ACOT11: variants seen among roughly 807,000 people sequenced by gnomAD.
ACOT11 encodes acyl-coenzyme A thioesterase 11.
Under a neutral mutation model 77.5 loss-of-function variants are expected in ACOT11, and 69 were observed. That is an observed-to-expected ratio of 0.89 (90% CI 0.73 to 1.09). The LOEUF (loss-of-function observed/expected upper bound fraction) is 1.09, where lower values mean the gene tolerates loss of function less well. ACOT11 is among the 50% of genes least tolerant of loss of function. The probability of loss-of-function intolerance (pLI) is 0.00; values close to 1 mark genes in which losing one functional copy is unlikely to be tolerated. For synonymous variants in ACOT11, 279 were observed against 313.0 expected (o/e 0.89, Z 1.15); for missense variants, 766 against 813.7 (o/e 0.94, Z 0.71).
At chr1:54,555,753 A>AT (rs909421627) in intron 1 of ACOT11, among the ~76,000 whole-genome samples, 45 of 130,306 alleles carry the variant, frequency 3.5e-4, no homozygotes, top group African/African-American at 1.1e-3. Flanking sequence ...TTTATTTTTT[A>AT]TTTTTTTTTG....
chr1:54,634,827 C>T (rs1031992637), exon 17 of ACOT11: 4 of 648,272 alleles, frequency 6.2e-6, no homozygotes, highest in African/African-American at 1.8e-5. Flanking sequence ...AGGAGGACTC[C>T]AACTATCATG....
At position 54,584,704 on chromosome 1, in the gene ACOT11, G is replaced by A. The variant is rs1328162363; in HGVS notation, c.83G>A (p.Arg28His). Reference sequence around the variant, plus strand: ...CGCACATCCCGGAAGTCAGCCTTACGTGCGGGGAACGACAGTGCCATGGCA... The same window carrying A: ...CGCACATCCCGGAAGTCAGCCTTACATGCGGGGAACGACAGTGCCATGGCA... ...SNRTSRKSAL[R>H]AGNDSAMADG... The change falls in exon 2 of 16, where the codon CGT (arginine) becomes CAT (histidine). Residue 28 changes from arginine to histidine, a missense_variant. Physicochemically the swap from Arg to His is conservative, Grantham distance 29. Coordinates refer to ENST00000343744, the MANE Select transcript of ACOT11 (RefSeq NM_147161.4). This position sits in a 1 kb window ranked among gnomAD's most constrained non-coding sequence, Gnocchi z 6.3. The A allele has an allele frequency of 1.1e-5, 17 of 1,614,042 alleles. No individual in the cohort carries two copies. Among genetic ancestry groups the A allele is most frequent in the Middle Eastern group, 1.6e-4 (1 of 6,084 alleles).
Position 54,603,744 on chromosome 1 carries a change from C to T in ACOT11, c.1086-127C>T. ...CCTGTGTGACCATCCAGCCTCCCTA[C>T]CCAGACAGGAGTCTCCCATTCTGCC... is the stretch of plus-strand genomic sequence containing the variant. On this transcript the variant is annotated intron_variant, in intron 10 of 15. Coordinates refer to ENST00000343744, the MANE Select transcript of ACOT11 (RefSeq NM_147161.4). The T allele has an allele frequency of 7.0e-6, 6 of 862,542 alleles. No homozygotes were observed. The South Asian group carries it at 8.8e-5, about 13-fold the overall frequency. The allele number at this position is 862,542 out of a possible 1,614,324, so 53.4% of individuals were successfully genotyped here. A position where few individuals can be genotyped will look rare whatever the true frequency, so the allele number is the denominator to read the frequency against.
intron 1 of ACOT11, among the ~76,000 whole-genome samples, chr1:54,569,161 T>C (rs1653848118): frequency 6.7e-6 from 1 of 149,790 alleles, no homozygotes; most frequent in African/African-American, 2.5e-5. Flanking sequence ...GGGATCTTGC[T>C]CTCTTGCCCA....
At chr1:54,606,947 C>T (rs1158743060) in intron 13 of ACOT11, among the ~76,000 whole-genome samples, 187 bp from the exon 14 acceptor site, 4 of 152,264 alleles carry the variant, frequency 2.6e-5, no homozygotes, top group Non-Finnish European at 4.4e-5. Context: ...TGTGTGCACA[C>T]GCACATGTGT....
chr1:54,610,900 G>A, downstream of ACOT11: 1 of 985,398 alleles, frequency 1.0e-6, no homozygotes, highest in Non-Finnish European at 1.2e-6. Flanking sequence ...TGGGTTCGGG[G>A]TCAAGGGAAT....
downstream of ACOT11, chr1:54,610,409 T>C (rs1644104379): frequency 1.2e-6 from 2 of 1,612,886 alleles, no homozygotes; most frequent in South Asian, 2.2e-5. Flanking sequence ...GGGTAGACCT[T>C]ACCTGGGAGG....
intron 8 of ACOT11, 92 bp from the exon 9 acceptor site, chr1:54,601,155 ATGCATGTGTGTGGGCGCATGTG>A (rs1333093363): frequency 4.8e-6 from 6 of 1,250,874 alleles, no homozygotes; most frequent in Admixed American, 4.0e-5. Context: ...GTGTGTGTGC[ATGCATGTGTGTGGGCGCATGTG>A]TGCATGTGTG....
chr1:54,555,222 G>A (rs1467264174), intron 1 of ACOT11, among the ~76,000 whole-genome samples: 2 of 152,146 alleles, frequency 1.3e-5, no homozygotes, highest in South Asian at 2.1e-4. Context: ...GCCTCCCAAA[G>A]TGCTGGGATT....
At chr1:54,631,945 C>T (rs1158737611) in intron 16 of ACOT11, among the ~76,000 whole-genome samples, 2 of 152,050 alleles carry the variant, frequency 1.3e-5, no homozygotes, top group African/African-American at 2.4e-5. Context: ...AGGTAATCTG[C>T]GTAAAGCTAC....
chr1:54,550,059 G>A (rs550696253), intron 1 of ACOT11, among the ~76,000 whole-genome samples: 9 of 152,242 alleles, frequency 5.9e-5, no homozygotes, highest in East Asian at 1.9e-4. Context: ...TATCATCCCC[G>A]TATCCCAGAT....
intron 3 of ACOT11, among the ~76,000 whole-genome samples, chr1:54,587,736 A>AT (rs1272877650): frequency 6.7e-6 from 1 of 149,976 alleles, no homozygotes; most frequent in African/African-American, 2.4e-5. Context: ...TAATTTTTGT[A>AT]TTTTTAGTAG....
chr1:54,579,489 G>T (rs1323267745), intron 1 of ACOT11, among the ~76,000 whole-genome samples: 1 of 152,220 alleles, frequency 6.6e-6, no homozygotes, highest in Non-Finnish European at 1.5e-5. Flanking sequence ...CTCCTGCCTT[G>T]TTGGTGGGGA....
In ACOT11 at chr1:54,557,391, CAA is replaced by C. The variant is rs71045195; in HGVS notation, c.33+9066_33+9067del. On this transcript the variant is annotated intron_variant, in intron 1 of 15. Transcript: ENST00000343744. ...TGAGTGACAGAGAAAGATTCCATCT[CAA>C]AAAAAAAAAAAAAAAAGAAAAAAAT... Among the ~76,000 whole-genome samples the C allele has an allele frequency of 1.5e-3, 144 of 98,254 alleles. 1 individual carries two copies. The highest frequency in any genetic ancestry group is 0.013 in the South Asian group (38 of 2,966). 64.5% of individuals were successfully genotyped at this position (98,254 alleles called of 152,430 possible).
intron 15 of ACOT11, among the ~76,000 whole-genome samples, chr1:54,625,418 C>A (rs1028966929): frequency 1.3e-5 from 2 of 152,154 alleles, no homozygotes; most frequent in African/African-American, 4.8e-5. Flanking sequence ...TGGGGCTGCT[C>A]TCTCAGGCCA....
chr1:54,585,305 C>T (rs1654458649), intron 2 of ACOT11, among the ~76,000 whole-genome samples: 1 of 152,190 alleles, frequency 6.6e-6, no homozygotes, highest in African/African-American at 2.4e-5. Context: ...GGGGGATAGA[C>T]AGGTGACCCG....
chr1:54,621,160 C>CA (rs55905389), intron 15 of ACOT11, among the ~76,000 whole-genome samples: 2,389 of 107,822 alleles, frequency 0.022, 32 homozygotes, highest in South Asian at 0.054. Context: ...GACACTGTCT[C>CA]AAAAAAAAAA....
chr1:54,625,691 A>C (rs1644267530), intron 15 of ACOT11, among the ~76,000 whole-genome samples: 1 of 152,128 alleles, frequency 6.6e-6, no homozygotes, highest in Non-Finnish European at 1.5e-5. Context: ...TAATCCCAGC[A>C]CTTTGGGAGG....
intron 1 of ACOT11, among the ~76,000 whole-genome samples, chr1:54,573,470 C>T (rs921422128): frequency 2.0e-5 from 3 of 152,214 alleles, no homozygotes; most frequent in African/African-American, 7.2e-5. Context: ...CAGTGGCTCA[C>T]GCCTGTAATC....
Sources: allele counts gnomAD v4.1 joint callset (sites outside exome capture counted in the v4.1 genomes callset), GRCh38; gene constraint gnomAD v4.1.1; non-coding constraint Gnocchi (gnomAD v3.1); transcripts MANE v1.5; gene names NCBI Gene and HGNC (gene_info 2026-07-23, HGNC 2026-07-21).